PKD1L3: variants seen among roughly 807,000 people sequenced by gnomAD.
PKD1L3 encodes polycystin 1 like 3, transient receptor potential channel interacting, also known as polycystin-1-like protein 3.
A neutral mutation model predicts 184.1 loss-of-function variants in PKD1L3; 239 were observed. The observed-to-expected ratio is 1.30, with a 90% CI of 1.17 to 1.45. The LOEUF (loss-of-function observed/expected upper bound fraction) is 1.45. Among genes scored for constraint, PKD1L3 ranks in the 40% most tolerant of loss-of-function variants. PKD1L3 has a pLI of 0.00. For missense variants in PKD1L3, 2,660 were observed against 2,067.2 expected, an observed-to-expected ratio of 1.29 and a Z score of -5.56; for synonymous variants, 996 against 778.8, an observed-to-expected ratio of 1.28 and a Z score of -4.64.
intron 3 of PKD1L3, among the ~76,000 whole-genome samples, chr16:71,991,511 G>A (rs1203347638): frequency 6.6e-6 from 1 of 152,202 alleles, no homozygotes; most frequent in East Asian, 1.9e-4. Context: ...ATACTGAGCA[G>A]ATGTGGAAAA....
At chr16:71,943,187 A>G (rs1343776303) in intron 23 of PKD1L3, among the ~76,000 whole-genome samples, 163 bp from the exon 24 acceptor site, 1 of 152,092 alleles carries the variant, frequency 6.6e-6, no homozygotes, top group Non-Finnish European at 1.5e-5. Context: ...ACATACATAC[A>G]CATTTCCTTC....
intron 19 of PKD1L3, 81 bp downstream of exon 19, chr16:71,951,483 T>C: frequency 7.3e-7 from 1 of 1,375,520 alleles, no homozygotes; most frequent in Non-Finnish European, 9.8e-7. Context: ...CTGTCGGTTA[T>C]GAATGAGTAA....
chr16:71,983,012 A>G (rs1271288159), intron 6 of PKD1L3, among the ~76,000 whole-genome samples: 1 of 152,264 alleles, frequency 6.6e-6, no homozygotes, highest in African/African-American at 2.4e-5. Flanking sequence ...ATTATTTCAT[A>G]TAACCTATAA....
chr16:71,929,684 T>A lies in PKD1L3; in HGVS notation c.5059-6A>T. On this transcript the variant is annotated splice_region_variant and splice_polypyrimidine_tract_variant and intron_variant, in intron 29 of 29. Transcript: ENST00000620267. ...TCTATTAGTGCAGCTTCTTTCTGAG[T>A]ATTGAAGACAAAAAGAGAAAAGTGA... 1 of 1,529,074 alleles carries A rather than the reference T, an allele frequency of 6.5e-7. No homozygotes were observed. The highest frequency in any genetic ancestry group is 8.8e-7 in the Non-Finnish European group (1 of 1,139,216). The allele number at this position is 1,529,074 out of a possible 1,614,324, so 94.7% of individuals were successfully genotyped here.
At chr16:71,973,977 G>A (rs2039820463) in intron 11 of PKD1L3, among the ~76,000 whole-genome samples, 1 of 146,750 alleles carries the variant, frequency 6.8e-6, no homozygotes, top group Non-Finnish European at 1.5e-5. Flanking sequence ...ACTCTAGCCT[G>A]GGCAACAGAG....
At chr16:71,953,617 A>T in intron 17 of PKD1L3, among the ~76,000 whole-genome samples, 1 of 152,106 alleles carries the variant, frequency 6.6e-6, no homozygotes, top group East Asian at 1.9e-4. Context: ...AATCCCCGAG[A>T]CGGGGTTTTG....
Position 71,998,455 on chromosome 16 carries a change from T to G in PKD1L3, c.296-61A>C, listed in dbSNP as rs192681946. On this transcript the variant is annotated intron_variant, in intron 1 of 29. Transcript: ENST00000620267. ...CGAAAGCCAGGCTTTTAGGTTTATT[T>G]TTTATTATTGTTTTTGAGACAGTCC... 2.5e-3 allele frequency: 3,720 copies of G among 1,512,616 alleles called. 105 individuals carry two copies. Among genetic ancestry groups the G allele is most frequent in the Non-Finnish European group, 2.6e-4 (290 of 1,134,588 alleles). 93.7% of individuals were successfully genotyped at this position (1,512,616 alleles called of 1,614,324 possible).
intron 2 of PKD1L3, among the ~76,000 whole-genome samples, chr16:71,995,799 A>G (rs567940295): frequency 7.9e-5 from 12 of 152,202 alleles, no homozygotes; most frequent in African/African-American, 2.9e-4. Flanking sequence ...ATTTTGCTAG[A>G]TATTGCTGAA....
chr16:71,938,648 A>T (rs781352601), intron 24 of PKD1L3, among the ~76,000 whole-genome samples: 6 of 152,218 alleles, frequency 3.9e-5, no homozygotes, highest in Admixed American at 6.5e-5. Flanking sequence ...GAAGCCCATA[A>T]AAACACCAGA....
In PKD1L3 at chr16:71,942,681, T is replaced by A. The variant is rs899118713; in HGVS notation, c.4203A>T (p.Gly1401=). The change falls in exon 24 of 30, where the codon GGA becomes GGT. Residue 1401 remains glycine (G), a synonymous_variant. Transcript: ENST00000620267. Reference sequence around the variant, plus strand: ...TGTAACTGAACCTCCTTAGATGAAGTCCAGGGAATAGGCTCTTGGGACGCC... The same window carrying A: ...TGTAACTGAACCTCCTTAGATGAAGACCAGGGAATAGGCTCTTGGGACGCC... ...TCGRPKSLFP[G]LHLRRFSYIC... is the part of the protein sequence containing the mutation. 3 of 1,551,548 alleles carry A rather than the reference T, an allele frequency of 1.9e-6. No individual in the cohort carries two copies. In the African/African-American group the frequency reaches 4.1e-5, roughly 21 times the overall value.
At chr16:71,993,384 A>C (rs1567555823) in intron 2 of PKD1L3, 52 bp from the exon 3 acceptor site, 30 of 1,168,684 alleles carry the variant, frequency 2.6e-5, no homozygotes, top group Non-Finnish European at 1.7e-5. Flanking sequence ...CTATGGCTAC[A>C]AGTCTATAAA....
At chr16:71,950,889 T>G (rs890485656) in intron 19 of PKD1L3, among the ~76,000 whole-genome samples, 1 of 151,360 alleles carries the variant, frequency 6.6e-6, no homozygotes, top group Non-Finnish European at 1.5e-5. Flanking sequence ...TCTGCCACCA[T>G]GACCAGCTAA....
At chr16:71,985,778 T>C (rs1597368286) in intron 5 of PKD1L3, among the ~76,000 whole-genome samples, 2 of 152,134 alleles carry the variant, frequency 1.3e-5, no homozygotes, top group East Asian at 3.9e-4. Context: ...CGTTGCCCAG[T>C]CTGGTCTAAA....
In PKD1L3 at chr16:71,942,804, T is replaced by G. The variant is rs1249683600; in HGVS notation, c.4080A>C (p.Lys1360Asn). The G allele has an allele frequency of 6.4e-7, 1 of 1,551,568 alleles. No homozygotes were observed. The change falls in exon 24 of 30, where the codon AAA becomes AAC. Residue 1360 changes from lysine (K) to asparagine (N), a missense_variant. By Grantham distance (94) the Lys-to-Asn change is moderately conservative (BLOSUM62 0). Coordinates refer to ENST00000620267, the MANE Select transcript of PKD1L3 (RefSeq NM_181536.2). ...TTTGGAAAATTAATTGTACCCCACATTTGCAATGACTGGGCTCCAGGACTG... is the reference window on the plus strand; with the variant it reads ...TTTGGAAAATTAATTGTACCCCACAGTTGCAATGACTGGGCTCCAGGACTG... ...KNAVLEPSHCKCGVQLIFQIP... is the reference protein window; with the variant it reads ...KNAVLEPSHCNCGVQLIFQIP...
rs905336887 is a variant in PKD1L3, at chr16:71,937,311, C to T, written c.4433G>A (p.Cys1478Tyr). ...ISQVIYYLLV[C>Y]YYAFIQGCQL... ...ACTCACCTGTATGAAGGCATAGTAA[C>T]AGACCAGTAGATAATAGATGACTTG... The change falls in exon 25 of 30, where the codon TGT (cysteine) becomes TAT (tyrosine). Residue 1478 changes from cysteine (C) to tyrosine (Y), a missense_variant. Transcript: ENST00000620267. 1 of 1,551,422 alleles carries T rather than the reference C, an allele frequency of 6.4e-7. No individual in the cohort carries two copies.
chr16:71,938,358 G>C (rs1280876258), intron 24 of PKD1L3, among the ~76,000 whole-genome samples: 1 of 152,260 alleles, frequency 6.6e-6, no homozygotes, highest in East Asian at 1.9e-4. Context: ...GGGGGGCTGA[G>C]GGTGGCTTGC....
In PKD1L3 at chr16:71,930,138, T is replaced by A. The variant is rs943603318; in HGVS notation, c.4972A>T (p.Ser1658Cys). The change falls in exon 29 of 30, where the codon AGT becomes TGT. Residue 1658 changes from serine (S) to cysteine (C), a missense_variant. Coordinates refer to ENST00000620267, the MANE Select transcript of PKD1L3 (RefSeq NM_181536.2). ...PVLGTFLILT[S>C]VILMVLVVIN... ...ACCACAAGTACCATCAAGATGACAC[T>A]GGTGAGGATCAGAAAGGTGCCCAGG... The A allele has an allele frequency of 1.3e-6, 2 of 1,551,628 alleles. No individual in the cohort carries two copies. Among genetic ancestry groups the A allele is most frequent in the Non-Finnish European group, 8.7e-7 (1 of 1,146,906 alleles).
rs368315168 is a variant in PKD1L3 at position 71,956,440 on chromosome 16, G to A, written c.2613-2139C>T. Among the ~76,000 whole-genome samples, 30 of 151,928 alleles carry A rather than the reference G, an allele frequency of 2.0e-4. 1 individual carries two copies. Among genetic ancestry groups the A allele is most frequent in the Admixed American group, 9.8e-4 (15 of 15,244 alleles). On this transcript the variant is annotated intron_variant, in intron 16 of 29. Coordinates refer to ENST00000620267, the MANE Select transcript of PKD1L3 (RefSeq NM_181536.2). ...ACTCCGGACCTCTGGTGATCCACCC[G>A]ACCCGGCCTCCCAAAGTGCTGAGAT...
intron 24 of PKD1L3, among the ~76,000 whole-genome samples, chr16:71,940,149 A>C (rs1405064692): frequency 6.6e-6 from 1 of 152,120 alleles, no homozygotes; most frequent in African/African-American, 2.4e-5. Flanking sequence ...CTAGATTCCA[A>C]ATTTCCTCCC....
Sources: gnomAD v4.1 joint callset for allele counts (sites outside exome capture counted in the v4.1 genomes callset) on GRCh38, gnomAD v4.1.1 for gene constraint, MANE v1.5 for transcripts, NCBI Gene and HGNC (gene_info 2026-07-23, HGNC 2026-07-21) for gene names.